GLRA1: variants seen among roughly 807,000 people sequenced by gnomAD.
GLRA1 encodes the protein glycine receptor alpha 1, also known as glycine receptor subunit alpha-1.
GLRA1 carries 37 observed loss-of-function variants against 48.3 expected under a neutral mutation model. The observed-to-expected ratio is 0.77, with a 90% confidence interval of 0.59 to 1.01. GLRA1 has a LOEUF of 1.01. GLRA1 is among the 50% of genes least tolerant of loss of function. The probability of loss-of-function intolerance (pLI) is 0.00; values close to 1 mark genes in which losing one functional copy is unlikely to be tolerated. For missense variants in GLRA1, 427 were observed against 571.0 expected (o/e 0.75, Z 2.57); for synonymous variants, 196 against 210.7 (o/e 0.93, Z 0.60).
intron 4 of GLRA1, among the ~76,000 whole-genome samples, chr5:151,859,532 A>C (rs1753139259): frequency 6.6e-6 from 1 of 152,104 alleles, no homozygotes. Context: ...CTTCAACCCC[A>C]CTTTCTCTAG....
At chr5:151,880,937 G>A (rs1753745850) in intron 3 of GLRA1, among the ~76,000 whole-genome samples, 1 of 152,162 alleles carries the variant, frequency 6.6e-6, no homozygotes, top group South Asian at 2.1e-4. Flanking sequence ...CTACATGTAT[G>A]CAAACTCACA....
At chr5:151,840,286 A>G (rs1433014742) in intron 7 of GLRA1, among the ~76,000 whole-genome samples, 1 of 152,076 alleles carries the variant, frequency 6.6e-6, no homozygotes, top group African/African-American at 2.4e-5. Flanking sequence ...TTTTGTAAAG[A>G]TGGGATTTCA....
intron 2 of GLRA1, among the ~76,000 whole-genome samples, chr5:151,890,085 GAGTA>G (rs1489363736): frequency 1.3e-5 from 2 of 152,152 alleles, no homozygotes; most frequent in African/African-American, 4.8e-5. Context: ...GCCCACTGCT[GAGTA>G]AGTAAATAAA....
chr5:151,842,888 A>G (rs1318830518), intron 7 of GLRA1, among the ~76,000 whole-genome samples: 1 of 152,264 alleles, frequency 6.6e-6, no homozygotes, highest in Non-Finnish European at 1.5e-5. Flanking sequence ...AAATGAGTTC[A>G]GGAAAGTTAT....
chr5:151,850,746 G>A (rs1424046199), intron 7 of GLRA1: 9 of 1,042,962 alleles, frequency 8.6e-6, no homozygotes, highest in Admixed American at 5.1e-5. Flanking sequence ...TCATCAACAC[G>A]TGTCTTCTCA....
intron 7 of GLRA1, chr5:151,850,888 G>T: frequency 1.7e-6 from 1 of 585,900 alleles, no homozygotes; most frequent in South Asian, 2.0e-5. Context: ...CAACTCAAAG[G>T]GTGGAATATA....
intron 1 of GLRA1, among the ~76,000 whole-genome samples, chr5:151,897,976 G>T (rs752930077): frequency 1.1e-4 from 17 of 152,094 alleles, no homozygotes; most frequent in Non-Finnish European, 7.4e-5. Flanking sequence ...AGAGATTTTG[G>T]TACTTAAAGG....
rs569270309 is a variant in GLRA1, at chr5:151,911,486, A to G, written c.56+13008T>C. 4.6e-5 allele frequency among the ~76,000 whole-genome samples: 7 copies of G among 152,308 alleles called. No homozygotes were observed. The East Asian group carries it at 1.3e-3, about 29-fold the overall frequency. On this transcript the variant is annotated intron_variant, in intron 1 of 8. Coordinates refer to ENST00000274576, the MANE Select transcript of GLRA1 (RefSeq NM_000171.4). ...GGGATAATTATAATTCCCATTTAAC[A>G]GATGAGGAAAATCGAGGCTTAGCAA... is the stretch of plus-strand genomic sequence containing the variant.
At chr5:151,860,901 G>A (rs1443081106) in intron 3 of GLRA1, among the ~76,000 whole-genome samples, 1 of 152,086 alleles carries the variant, frequency 6.6e-6, no homozygotes, top group Non-Finnish European at 1.5e-5. Flanking sequence ...GACAGGCCCT[G>A]GTGTGTGATG....
At chr5:151,828,626 T>C (rs1321825765) in intron 8 of GLRA1, among the ~76,000 whole-genome samples, 1 of 152,198 alleles carries the variant, frequency 6.6e-6, no homozygotes, top group Non-Finnish European at 1.5e-5. Context: ...GGTTTATAGT[T>C]AGTTATTTTC....
chr5:151,851,300 C>T, intron 7 of GLRA1, 90 bp downstream of exon 7: 1 of 845,356 alleles, frequency 1.2e-6, no homozygotes, highest in South Asian at 1.4e-5. Flanking sequence ...GTGAATAATT[C>T]CTTTGCTCCC....
chr5:151,836,648 C>G lies in GLRA1; in HGVS notation c.913-7581G>C, dbSNP rs548386953. On this transcript the variant is annotated intron_variant, in intron 7 of 8. Transcript: ENST00000274576. ...AACAGAACAGAGGCCTCAGAAATAA[C>G]GCCACATAACTATAACCATCTGATC... Among the ~76,000 whole-genome samples, 16 of 152,182 alleles carry G rather than the reference C, an allele frequency of 1.1e-4. No homozygotes were observed. In the South Asian group the frequency reaches 3.3e-3, roughly 32 times the overall value.
At position 151,924,810 on chromosome 5, in the gene GLRA1, G is replaced by A. The variant is rs1754985518; in HGVS notation, c.-261C>T. ...TTTCAGGAGCGCGAAGAGTATTGCT[G>A]TTTGTTAAACTCCAGCGTGTCTGTT... On this transcript the variant is annotated 5_prime_UTR_variant, in exon 1 of 9. Transcript: ENST00000274576. 1 of 541,038 alleles carries A rather than the reference G, an allele frequency of 1.8e-6. No homozygotes were observed. Among genetic ancestry groups the A allele is most frequent in the Admixed American group, 3.0e-5 (1 of 32,952 alleles). 33.5% of individuals were successfully genotyped at this position (541,038 alleles called of 1,614,324 possible).
At chr5:151,915,649 T>C (rs1477898414) in intron 1 of GLRA1, among the ~76,000 whole-genome samples, 2 of 151,734 alleles carry the variant, frequency 1.3e-5, no homozygotes, top group African/African-American at 4.8e-5. Context: ...ATAGAAAATA[T>C]GATTCCATGA....
chr5:151,869,869 A>G (rs72802225), intron 3 of GLRA1, among the ~76,000 whole-genome samples: 1,735 of 149,834 alleles, frequency 0.012, 39 homozygotes, highest in Middle Eastern at 0.027. Flanking sequence ...CCAAGATCAC[A>G]TAGCTAGTAG....
At chr5:151,848,809 C>A in intron 7 of GLRA1, 1 of 444,554 alleles carries the variant, frequency 2.2e-6, no homozygotes, top group Non-Finnish European at 4.3e-6. Context: ...CCTCTCCTCT[C>A]CTCTCCTCTC....
chr5:151,878,517 C>A (rs557091026), intron 3 of GLRA1, among the ~76,000 whole-genome samples: 4 of 152,142 alleles, frequency 2.6e-5, no homozygotes, highest in African/African-American at 9.7e-5. Context: ...AAAATGTCTC[C>A]GGAGCATGTC....
At chr5:151,889,982 T>C (rs1754018746) in intron 2 of GLRA1, among the ~76,000 whole-genome samples, 1 of 152,070 alleles carries the variant, frequency 6.6e-6, no homozygotes, top group South Asian at 2.1e-4. Context: ...TCTGTAGATA[T>C]TGGGCCCAAG....
At chr5:151,838,487 G>T (rs1045924654) in intron 7 of GLRA1, among the ~76,000 whole-genome samples, 17 of 152,090 alleles carry the variant, frequency 1.1e-4, no homozygotes, top group East Asian at 3.9e-4. Flanking sequence ...AAATGATAAA[G>T]AAGAACCAAA....
Sources: gnomAD v4.1 joint callset for allele counts (sites outside exome capture counted in the v4.1 genomes callset) on GRCh38, gnomAD v4.1.1 for gene constraint, MANE v1.5 for transcripts, NCBI Gene and HGNC (gene_info 2026-07-23, HGNC 2026-07-21) for gene names.